The following HCN1 variants were observed in gnomAD, a reference collection of about 807,000 sequenced individuals.
HCN1 encodes hyperpolarization activated cyclic nucleotide gated potassium channel 1.
Under a neutral mutation model 78.9 loss-of-function variants are expected in HCN1, and 13 were observed. That is an observed-to-expected ratio of 0.16 (90% confidence interval 0.11 to 0.26). HCN1 has a LOEUF of 0.26. HCN1 is among the 10% of genes least tolerant of loss of function. The probability of loss-of-function intolerance (pLI) is 1.00; values close to 1 mark genes in which losing one functional copy is unlikely to be tolerated. For synonymous variants in HCN1, 552 were observed against 455.5 expected (o/e 1.21, Z -2.70); for missense variants, 810 against 1,154.3 (o/e 0.70, Z 4.32).
intron 3 of HCN1, among the ~76,000 whole-genome samples, chr5:45,452,614 T>C (rs1009202981): frequency 6.6e-6 from 1 of 151,850 alleles, no homozygotes; most frequent in Non-Finnish European, 1.5e-5. Flanking sequence ...AGTATTTAAA[T>C]GTTAATCATA....
chr5:45,658,224 C>G (rs948551984), intron 1 of HCN1, among the ~76,000 whole-genome samples: 15 of 152,252 alleles, frequency 9.9e-5, no homozygotes, highest in African/African-American at 3.1e-4. Context: ...TTACACCTTA[C>G]ACAAAAATTA....
intron 2 of HCN1, among the ~76,000 whole-genome samples, chr5:45,584,802 T>C (rs1744172632): frequency 6.6e-6 from 1 of 152,196 alleles, no homozygotes; most frequent in Non-Finnish European, 1.5e-5. Flanking sequence ...TTAGTTTGGC[T>C]GGATATGAAA....
At chr5:45,519,136 T>C (rs1460855240) in intron 2 of HCN1, among the ~76,000 whole-genome samples, 7 of 151,906 alleles carry the variant, frequency 4.6e-5, no homozygotes, top group Non-Finnish European at 1.0e-4. Context: ...ACCAATTTTA[T>C]TAGAAGGAAT....
chr5:45,457,136 C>T (rs544696555), intron 3 of HCN1, among the ~76,000 whole-genome samples: 2 of 152,134 alleles, frequency 1.3e-5, no homozygotes, highest in South Asian at 4.1e-4. Flanking sequence ...AGAAAGATTG[C>T]TCTAGGAATG....
chr5:45,678,732 C>A (rs1739644815), intron 1 of HCN1, among the ~76,000 whole-genome samples: 1 of 151,944 alleles, frequency 6.6e-6, no homozygotes, highest in African/African-American at 2.4e-5. Context: ...TTGTAGTTTT[C>A]TGGAGTATTA....
intron 1 of HCN1, among the ~76,000 whole-genome samples, chr5:45,657,539 T>A (rs867423677): frequency 6.6e-6 from 1 of 152,220 alleles, no homozygotes; most frequent in East Asian, 1.9e-4. Context: ...ATAAATTTAC[T>A]AAGTTCTGCA....
chr5:45,565,668 C>CA (rs1001030372), intron 2 of HCN1, among the ~76,000 whole-genome samples: 6 of 151,560 alleles, frequency 4.0e-5, no homozygotes, highest in African/African-American at 1.5e-4. Context: ...ACAAAAAAAT[C>CA]AAAAAAATAG....
rs530521506 is a variant in HCN1, at chr5:45,494,386, C to T, written c.850-32379G>A. Among the ~76,000 whole-genome samples the T allele has an allele frequency of 1.7e-3, 260 of 152,274 alleles. 1 individual carries two copies. The highest frequency in any genetic ancestry group is 6.0e-3 in the African/African-American group (251 of 41,538). ...GCATTTTTCATGTGTTTTTTGGCTG[C>T]ATAAATGTCTTCTTTTGAGAAGTGT... On this transcript the variant is annotated intron_variant, in intron 2 of 7. Coordinates refer to ENST00000303230, the MANE Select transcript of HCN1 (RefSeq NM_021072.4).
chr5:45,372,046 T>C (rs1170505816), intron 4 of HCN1, among the ~76,000 whole-genome samples: 3 of 56,748 alleles, frequency 5.3e-5, no homozygotes, highest in African/African-American at 1.1e-4. Context: ...ATATATATTA[T>C]ATATATAATA....
chr5:45,345,241 G>A (rs1322233958), intron 5 of HCN1, among the ~76,000 whole-genome samples: 2 of 152,166 alleles, frequency 1.3e-5, no homozygotes, highest in African/African-American at 2.4e-5. Context: ...ACAGCAGGCA[G>A]CCTGTGGGCC....
At chr5:45,444,365 G>C (rs1337854382) in intron 3 of HCN1, among the ~76,000 whole-genome samples, 1 of 152,120 alleles carries the variant, frequency 6.6e-6, no homozygotes, top group African/African-American at 2.4e-5. Flanking sequence ...GTATCTACTA[G>C]TTAGAAAATA....
intron 3 of HCN1, among the ~76,000 whole-genome samples, chr5:45,443,735 T>G (rs550131405): frequency 2.1e-4 from 32 of 152,246 alleles, no homozygotes; most frequent in African/African-American, 7.0e-4. Flanking sequence ...AAACATAATT[T>G]AATATTTTTC....
intron 1 of HCN1, among the ~76,000 whole-genome samples, chr5:45,647,425 A>T (rs1219776120): frequency 6.6e-6 from 1 of 152,102 alleles, no homozygotes; most frequent in Non-Finnish European, 1.5e-5. Flanking sequence ...GGGCACTCCT[A>T]TCAAGTCCCT....
intron 5 of HCN1, among the ~76,000 whole-genome samples, chr5:45,318,623 T>C (rs745737311): frequency 1.3e-5 from 2 of 151,298 alleles, no homozygotes; most frequent in African/African-American, 2.4e-5. Context: ...AAAAAAAAAG[T>C]ATTTGCTTAC....
chr5:45,461,830 A>T lies in HCN1; in HGVS notation c.1011+16T>A, dbSNP rs1579910171. The stretch of plus-strand genomic sequence containing the variant: ...ACGTTGAAAAGTCAGAGTGTAAAAT[A>T]ACAGAATTTACTTACAACCATTTCA... On this transcript the variant is annotated intron_variant, in intron 3 of 7. Transcript: ENST00000303230. 5 of 1,609,180 alleles carry T rather than the reference A, an allele frequency of 3.1e-6. No individual in the cohort carries two copies. Among genetic ancestry groups the T allele is most frequent in the Non-Finnish European group, 4.3e-6 (5 of 1,175,948 alleles).
chr5:45,551,829 T>C (rs1425797327), intron 2 of HCN1, among the ~76,000 whole-genome samples: 2 of 151,958 alleles, frequency 1.3e-5, no homozygotes, highest in Non-Finnish European at 2.9e-5. Context: ...TTAACTACTG[T>C]TCAATTACGT....
intron 2 of HCN1, among the ~76,000 whole-genome samples, chr5:45,570,587 C>CT: frequency 1.3e-5 from 2 of 152,210 alleles, no homozygotes; most frequent in East Asian, 3.9e-4. Context: ...TACTCAATAT[C>CT]TAAAACATTA....
chr5:45,312,541 C>G (rs1477181863), intron 5 of HCN1, among the ~76,000 whole-genome samples: 2 of 152,158 alleles, frequency 1.3e-5, no homozygotes, highest in Non-Finnish European at 2.9e-5. Flanking sequence ...GTGCAGCCCA[C>G]TGAGCATGAA....
At chr5:45,443,460 T>C (rs981599968) in intron 3 of HCN1, among the ~76,000 whole-genome samples, 5 of 152,100 alleles carry the variant, frequency 3.3e-5, no homozygotes, top group African/African-American at 7.2e-5. Flanking sequence ...TTAACTCTCC[T>C]CTCCAACAGG....
Sources: gnomAD v4.1 joint callset for allele counts (sites outside exome capture counted in the v4.1 genomes callset) on GRCh38, gnomAD v4.1.1 for gene constraint, MANE v1.5 for transcripts, NCBI Gene and HGNC (gene_info 2026-07-23, HGNC 2026-07-21) for gene names.